SUCLG2: variants seen among roughly 807,000 people sequenced by gnomAD.
SUCLG2 encodes the protein succinate-CoA ligase GDP-forming subunit beta, also known as succinate--CoA ligase [GDP-forming] subunit beta, mitochondrial.
Under a neutral mutation model 47.9 loss-of-function variants are expected in SUCLG2, and 42 were observed. That is an observed-to-expected ratio of 0.88 (90% CI 0.69 to 1.14). SUCLG2 has a LOEUF of 1.14. Ranked by LOEUF, SUCLG2 falls within the 50% of genes most tolerant of loss-of-function variation. The probability of loss-of-function intolerance (pLI) is 0.00; values close to 1 mark genes in which losing one functional copy is unlikely to be tolerated. For missense variants in SUCLG2, 571 were observed against 525.9 expected, an observed-to-expected ratio of 1.09 and a Z score of -0.84; for synonymous variants, 195 against 197.3, an observed-to-expected ratio of 0.99 and a Z score of 0.10.
In SUCLG2 at chr3:67,453,730, G is replaced by C. The variant is rs192920648; in HGVS notation, c.1062+42068C>G. The stretch of plus-strand genomic sequence containing the variant: ...TATTTTCAAGTAGTGGGAAACTCTT[G>C]ATATTCCTTAATAGAGGGGCCACAT... On this transcript the variant is annotated intron_variant, in intron 9 of 10. Coordinates refer to ENST00000307227, the MANE Select transcript of SUCLG2 (RefSeq NM_003848.4). 1.5e-3 allele frequency among the ~76,000 whole-genome samples: 222 copies of C among 152,294 alleles called. 2 individuals carry two copies. The highest frequency in any genetic ancestry group is 0.014 in the Middle Eastern group (4 of 292).
chr3:67,482,739 C>T (rs147635509), intron 9 of SUCLG2, among the ~76,000 whole-genome samples: 88 of 152,260 alleles, frequency 5.8e-4, no homozygotes, highest in South Asian at 8.3e-4. Flanking sequence ...TAATGACACA[C>T]GGAAGATTCT....
At chr3:67,370,093 G>C (rs935670424), downstream of SUCLG2, among the ~76,000 whole-genome samples, 3 of 151,888 alleles carry the variant, frequency 2.0e-5, no homozygotes, top group African/African-American at 7.3e-5. Context: ...AAATTTTTTT[G>C]AAATTCACAC....
At chr3:67,609,264 GTGATTCCTGCACACT>G (rs1700484203) in intron 2 of SUCLG2, among the ~76,000 whole-genome samples, 176 bp downstream of exon 2, 1 of 41,914 alleles carries the variant, frequency 2.4e-5, no homozygotes, top group Non-Finnish European at 4.8e-5. Flanking sequence ...CAGTCACCAT[GTGATTCCTGCACACT>G]TACACACATG....
At chr3:67,379,831 G>A (rs1702113992) in intron 10 of SUCLG2, among the ~76,000 whole-genome samples, 1 of 152,182 alleles carries the variant, frequency 6.6e-6, no homozygotes, top group South Asian at 2.1e-4. Context: ...ACTAAAGCAG[G>A]GGCTGGTACA....
At chr3:67,474,073 C>G (rs1296721809) in intron 9 of SUCLG2, among the ~76,000 whole-genome samples, 1 of 152,038 alleles carries the variant, frequency 6.6e-6, no homozygotes, top group Admixed American at 6.6e-5. Flanking sequence ...CTTGCTAACA[C>G]GGTGAAACCC....
chr3:67,588,007 T>TTA, intron 2 of SUCLG2, among the ~76,000 whole-genome samples: 2 of 152,310 alleles, frequency 1.3e-5, no homozygotes, highest in Admixed American at 1.3e-4. Context: ...AGATGGTCAC[T>TTA]TAGAGACAGG....
intron 9 of SUCLG2, among the ~76,000 whole-genome samples, chr3:67,477,932 C>T (rs1229793203): frequency 1.3e-5 from 2 of 152,168 alleles, no homozygotes; most frequent in East Asian, 3.8e-4. Context: ...ACACTGTTTG[C>T]CAGAAACTGT....
chr3:67,548,194 G>A (rs1353055263), intron 2 of SUCLG2, among the ~76,000 whole-genome samples: 1 of 152,234 alleles, frequency 6.6e-6, no homozygotes, highest in Non-Finnish European at 1.5e-5. Flanking sequence ...GGAAGAAACA[G>A]AGTTGAGATT....
intron 2 of SUCLG2, among the ~76,000 whole-genome samples, chr3:67,589,967 ACTTGATAC>A (rs60571668): frequency 0.45 from 67,543 of 151,682 alleles, 15,226 homozygotes; most frequent in East Asian, 0.68. Flanking sequence ...ACTTTAGTCT[ACTTGATAC>A]AGCATTACCT....
At chr3:67,431,375 C>T (rs1425076312) in intron 9 of SUCLG2, among the ~76,000 whole-genome samples, 1 of 152,094 alleles carries the variant, frequency 6.6e-6, no homozygotes, top group African/African-American at 2.4e-5. Flanking sequence ...TCAATAGATG[C>T]AGAAAAGGCC....
intron 9 of SUCLG2, among the ~76,000 whole-genome samples, chr3:67,417,920 TA>T (rs1240866541): frequency 6.6e-6 from 1 of 152,208 alleles, no homozygotes; most frequent in East Asian, 1.9e-4. Context: ...AGTTATTCTT[TA>T]ATCTTTATAC....
At chr3:67,393,236 G>C (rs1334995016) in intron 10 of SUCLG2, among the ~76,000 whole-genome samples, 2 of 152,274 alleles carry the variant, frequency 1.3e-5, no homozygotes, top group African/African-American at 2.4e-5. Flanking sequence ...CACTCGGGAA[G>C]TGCAAGGGGT....
chr3:67,585,443 T>C (rs139514172), intron 2 of SUCLG2, among the ~76,000 whole-genome samples: 38 of 152,250 alleles, frequency 2.5e-4, no homozygotes, highest in Admixed American at 1.4e-3. Flanking sequence ...GAACATATAA[T>C]GAAAAATGAT....
chr3:67,430,545 G>T (rs1465649883), intron 9 of SUCLG2, among the ~76,000 whole-genome samples: 2 of 152,136 alleles, frequency 1.3e-5, no homozygotes, highest in African/African-American at 4.8e-5. Context: ...AAAAGAACTA[G>T]AGAAGCAAGA....
intron 9 of SUCLG2, among the ~76,000 whole-genome samples, chr3:67,454,892 G>T (rs966064286): frequency 6.6e-6 from 1 of 151,412 alleles, no homozygotes; most frequent in African/African-American, 2.4e-5. Flanking sequence ...AACCTGGGAG[G>T]TGGAGCTTGT....
intron 2 of SUCLG2, among the ~76,000 whole-genome samples, chr3:67,567,469 T>C (rs1372476738): frequency 2.0e-5 from 3 of 151,980 alleles, no homozygotes; most frequent in East Asian, 1.9e-4. Flanking sequence ...CTAGTTTTTT[T>C]CGTTTTAACG....
intron 7 of SUCLG2, among the ~76,000 whole-genome samples, chr3:67,500,144 G>GA (rs1012722527): frequency 6.6e-6 from 1 of 152,138 alleles, no homozygotes; most frequent in African/African-American, 2.4e-5. Context: ...TCTTGAAAGG[G>GA]AAACAGCCAC....
intron 7 of SUCLG2, among the ~76,000 whole-genome samples, chr3:67,504,252 T>A (rs1575740073): frequency 7.5e-6 from 1 of 133,904 alleles, no homozygotes; most frequent in African/African-American, 2.8e-5. Context: ...ATGGGGTGGG[T>A]AGGGGGGTTG....
intron 9 of SUCLG2, among the ~76,000 whole-genome samples, chr3:67,463,319 G>A (rs1704384714): frequency 6.6e-6 from 1 of 152,146 alleles, no homozygotes; most frequent in Non-Finnish European, 1.5e-5. Flanking sequence ...TACCATTCTT[G>A]TTGCTGGCTG....
Sources: allele counts gnomAD v4.1 joint callset (sites outside exome capture counted in the v4.1 genomes callset), GRCh38; gene constraint gnomAD v4.1.1; transcripts MANE v1.5; gene names NCBI Gene and HGNC (gene_info 2026-07-23, HGNC 2026-07-21).